Variants in AHCYL2 observed in about 807,000 individuals in gnomAD.
AHCYL2 encodes the protein adenosylhomocysteinase like 2.
Under a neutral mutation model 81.4 loss-of-function variants are expected in AHCYL2, and 28 were observed. That is an observed-to-expected ratio of 0.34 (90% CI 0.25 to 0.47). AHCYL2 has a LOEUF of 0.47. Ranked by LOEUF, AHCYL2 falls within the 20% of genes least tolerant of loss-of-function variation. The pLI is 1.00. For synonymous variants in AHCYL2, 272 were observed against 290.2 expected (o/e 0.94, Z 0.64); for missense variants, 551 against 785.1 (o/e 0.70, Z 3.56).
intron 1 of AHCYL2, among the ~76,000 whole-genome samples, chr7:129,286,165 G>A (rs1274427660): frequency 6.6e-6 from 1 of 152,044 alleles, no homozygotes; most frequent in African/African-American, 2.4e-5. Context: ...AAAATGAAAT[G>A]GTAATGTGAG....
chr7:129,244,888 T>C (rs946813213), intron 1 of AHCYL2, among the ~76,000 whole-genome samples: 4 of 152,208 alleles, frequency 2.6e-5, no homozygotes, highest in African/African-American at 9.6e-5. Flanking sequence ...TAGAACTTTA[T>C]AACAACTCTT....
chr7:129,318,454 TA>T (rs1348505335), intron 1 of AHCYL2, among the ~76,000 whole-genome samples: 1 of 152,150 alleles, frequency 6.6e-6, no homozygotes, highest in Non-Finnish European at 1.5e-5. Flanking sequence ...TTATATTCCT[TA>T]AAATAGAAAG....
intron 1 of AHCYL2, among the ~76,000 whole-genome samples, chr7:129,354,452 C>G (rs1793670271): frequency 6.6e-6 from 1 of 152,088 alleles, no homozygotes; most frequent in Non-Finnish European, 1.5e-5. Context: ...GGTATGGAGA[C>G]AAGAAGAAAG....
At position 129,225,381 on chromosome 7, in the gene AHCYL2, G is replaced by T; in HGVS notation, c.305G>T (p.Gly102Val). Residue 102 changes from glycine (G) to valine (V), a missense_variant, in exon 1 of 17, where the codon GGC (glycine) becomes GTC (valine). Gly to Val is a moderately radical substitution (Grantham distance 109). Transcript: ENST00000325006. ...HHQHQRHRDG[G>V]EALVSPDGTV... is the part of the protein sequence containing the mutation. ...CAGCACCAGCGGCACCGCGACGGCG[G>T]CGAGGCCCTGGTCAGCCCCGACGGC... 1.3e-6 allele frequency: 2 copies of T among 1,516,748 alleles called. No homozygotes were observed. Among genetic ancestry groups the T allele is most frequent in the Non-Finnish European group, 1.8e-6 (2 of 1,138,372 alleles). The allele number at this position is 1,516,748 out of a possible 1,614,324, so 94.0% of individuals were successfully genotyped here.
At position 129,330,456 on chromosome 7, in the gene AHCYL2, G is replaced by C. The variant is rs560267531; in HGVS notation, c.364-49182G>C. On this transcript the variant is annotated intron_variant, in intron 1 of 16. Coordinates refer to ENST00000325006, the MANE Select transcript of AHCYL2 (RefSeq NM_015328.4). ...ATATTTGGACATGGAAAGGTTTCCAGGATACTCTGGTACATTTTTTTTTTT... is the reference window on the plus strand; with the variant it reads ...ATATTTGGACATGGAAAGGTTTCCACGATACTCTGGTACATTTTTTTTTTT... Among the ~76,000 whole-genome samples the C allele has an allele frequency of 7.0e-4, 106 of 152,008 alleles. 4 individuals are homozygous for C. The highest frequency in any genetic ancestry group is 6.9e-3 in the Admixed American group (106 of 15,270).
At chr7:129,342,234 A>G (rs67520056) in intron 1 of AHCYL2, among the ~76,000 whole-genome samples, 37,428 of 152,034 alleles carry the variant, frequency 0.25, 4,696 homozygotes, top group South Asian at 0.37. Flanking sequence ...CTGGTAGGAG[A>G]GCACCAGAAA....
At chr7:129,318,830 T>C (rs1341704354) in intron 1 of AHCYL2, among the ~76,000 whole-genome samples, 1 of 151,534 alleles carries the variant, frequency 6.6e-6, no homozygotes, top group South Asian at 2.1e-4. Flanking sequence ...GAACAGGTGG[T>C]GGTTGGTTAC....
At chr7:129,405,786 G>C (rs1418251958) in intron 8 of AHCYL2, 50 bp from the exon 9 acceptor site, 1 of 1,551,284 alleles carries the variant, frequency 6.4e-7, no homozygotes, top group Non-Finnish European at 8.8e-7. Flanking sequence ...CTAACCTCAA[G>C]GGAGAAACAA....
chr7:129,255,465 CAACAGTCATATGTGGTTAGT>C (rs927346162), intron 1 of AHCYL2, among the ~76,000 whole-genome samples: 1 of 152,078 alleles, frequency 6.6e-6, no homozygotes, highest in African/African-American at 2.4e-5. Flanking sequence ...TTCAAGAGTT[CAACAGTCATATGTGGTTAGT>C]AACTATCTAT....
At chr7:129,248,885 A>G (rs1795151368) in intron 1 of AHCYL2, among the ~76,000 whole-genome samples, 1 of 151,682 alleles carries the variant, frequency 6.6e-6, no homozygotes, top group African/African-American at 2.4e-5. Context: ...TGTATAGGCT[A>G]TTGTAAATGA....
intron 4 of AHCYL2, among the ~76,000 whole-genome samples, chr7:129,394,469 CAG>C (rs1263156436): frequency 1.7e-5 from 1 of 58,774 alleles, no homozygotes; most frequent in Non-Finnish European, 3.3e-5. Context: ...TTTTTTGAGA[CAG>C]AGTTTTGCTC....
chr7:129,338,332 T>C (rs1235311587), intron 1 of AHCYL2, among the ~76,000 whole-genome samples: 1 of 152,044 alleles, frequency 6.6e-6, no homozygotes, highest in Non-Finnish European at 1.5e-5. Context: ...AATTTTTTTT[T>C]TCTGTAGAGA....
intron 1 of AHCYL2, among the ~76,000 whole-genome samples, chr7:129,337,893 G>A (rs533559982): frequency 6.6e-5 from 10 of 151,964 alleles, no homozygotes; most frequent in Admixed American, 4.6e-4. Context: ...ACAGGCATGC[G>A]CCACCATGCC....
chr7:129,322,495 A>G (rs1798074877), intron 1 of AHCYL2, among the ~76,000 whole-genome samples: 1 of 152,222 alleles, frequency 6.6e-6, no homozygotes, highest in Non-Finnish European at 1.5e-5. Flanking sequence ...TATATTCTAT[A>G]TTTATAGAGC....
chr7:129,369,429 T>C (rs945697127), intron 1 of AHCYL2, among the ~76,000 whole-genome samples: 1 of 152,200 alleles, frequency 6.6e-6, no homozygotes, highest in African/African-American at 2.4e-5. Context: ...GAATATATAG[T>C]AGGCCTAACA....
chr7:129,405,540 A>G (rs1378805873), intron 8 of AHCYL2: 11 of 378,084 alleles, frequency 2.9e-5, no homozygotes, highest in Admixed American at 1.3e-4. Context: ...ACCCTTACAT[A>G]TAGGATTGGT....
Position 129,426,973 on chromosome 7 carries a change from C to T in AHCYL2, c.1830-66C>T. The T allele has an allele frequency of 6.5e-7, 1 of 1,532,096 alleles. No homozygotes were observed. The highest frequency in any genetic ancestry group is 9.0e-7 in the Non-Finnish European group (1 of 1,108,444). The allele number at this position is 1,532,096 out of a possible 1,614,324, so 94.9% of individuals were successfully genotyped here. On this transcript the variant is annotated intron_variant, in intron 16 of 16. Coordinates refer to ENST00000325006, the MANE Select transcript of AHCYL2 (RefSeq NM_015328.4). This position sits in a 1 kb window ranked among gnomAD's most constrained non-coding sequence, Gnocchi z 4.3. ...CCTCCCTGTTACACCTTTAGGCAGG[C>T]TCTTCATGTCCCAGCATCCCCATTA...
intron 1 of AHCYL2, among the ~76,000 whole-genome samples, chr7:129,347,707 A>G (rs1793412211): frequency 6.6e-6 from 1 of 152,176 alleles, no homozygotes; most frequent in Non-Finnish European, 1.5e-5. Flanking sequence ...TTATAGCTTA[A>G]TGAATGTACA....
chr7:129,389,793 GA>G, intron 4 of AHCYL2, 59 bp downstream of exon 4: 1 of 1,431,624 alleles, frequency 7.0e-7, no homozygotes, highest in Non-Finnish European at 9.5e-7. Flanking sequence ...ACGAGCTACT[GA>G]AAGCTTACAA....
Sources: gnomAD v4.1 joint callset for allele counts (sites outside exome capture counted in the v4.1 genomes callset) on GRCh38, gnomAD v4.1.1 for gene constraint, Gnocchi (gnomAD v3.1) non-coding constraint, MANE v1.5 for transcripts, NCBI Gene and HGNC (gene_info 2026-07-23, HGNC 2026-07-21) for gene names.